WASF3: variants seen among roughly 807,000 people sequenced by gnomAD.
WASF3 encodes the protein actin-binding protein WASF3.
A neutral mutation model predicts 46.6 loss-of-function variants in WASF3; 11 were observed. The ratio of observed to expected loss-of-function variants is 0.24; its 90% CI spans 0.15 to 0.39. The LOEUF (loss-of-function observed/expected upper bound fraction) is 0.39, where lower values mean the gene tolerates loss of function less well. Among genes scored for constraint, WASF3 ranks in the 10% least tolerant of loss-of-function variants. The pLI, the probability that WASF3 is intolerant of heterozygous loss-of-function variation, is 1.00. For synonymous variants in WASF3, 242 were observed against 259.7 expected (o/e 0.93, Z 0.65); for missense variants, 576 against 669.8 (o/e 0.86, Z 1.55).
At position 26,612,966 on chromosome 13, in the gene WASF3, G is replaced by C. The variant is rs1881023323; in HGVS notation, c.-103G>C. The C allele has an allele frequency of 6.6e-6, 1 of 151,920 alleles. No homozygotes were observed. 9.4% of individuals were successfully genotyped at this position (151,920 alleles called of 1,614,324 possible). ...TTTTTTTCTTTTCTTTGTAGTTTTAGTTTTGATTGCTGTTAACTACTACTG... is the reference window on the plus strand; with the variant it reads ...TTTTTTTCTTTTCTTTGTAGTTTTACTTTTGATTGCTGTTAACTACTACTG... On this transcript the variant is annotated 5_prime_UTR_variant, in exon 2 of 10. An upstream open reading frame in the 5' UTR loses its in-frame stop. Transcript: ENST00000335327.
chr13:26,578,307 A>G (rs1421953578), intron 1 of WASF3, among the ~76,000 whole-genome samples: 3 of 152,142 alleles, frequency 2.0e-5, no homozygotes, highest in Non-Finnish European at 4.4e-5. Flanking sequence ...TTTTTCTTCT[A>G]AGTCTAGGAG....
Position 26,661,595 on chromosome 13 carries a change from C to T in WASF3, c.134-3433C>T, listed in dbSNP as rs565741448. 5.3e-5 allele frequency among the ~76,000 whole-genome samples: 8 copies of T among 152,300 alleles called. No individual in the cohort carries two copies. The East Asian group carries it at 1.5e-3, about 29-fold the overall frequency. On this transcript the variant is annotated intron_variant, in intron 3 of 9. Coordinates refer to ENST00000335327, the MANE Select transcript of WASF3 (RefSeq NM_006646.6). ...TGTGAACATAGGTATGCAAATGTCT[C>T]TTCACATCCTTGCTTGCACTTCTTT...
chr13:26,608,980 GA>G (rs1339326012), intron 1 of WASF3, among the ~76,000 whole-genome samples: 2 of 152,130 alleles, frequency 1.3e-5, no homozygotes, highest in Non-Finnish European at 2.9e-5. Context: ...GGTAAGGCTG[GA>G]AAAATAAGTG....
chr13:26,559,175 T>G (rs1313816635), intron 1 of WASF3, among the ~76,000 whole-genome samples: 1 of 152,206 alleles, frequency 6.6e-6, no homozygotes, highest in Non-Finnish European at 1.5e-5. Context: ...TCTCCCAGGG[T>G]TCTAATGACT....
intron 1 of WASF3, among the ~76,000 whole-genome samples, chr13:26,570,160 C>A (rs914580450): frequency 7.9e-5 from 12 of 152,040 alleles, no homozygotes; most frequent in African/African-American, 2.9e-4. Flanking sequence ...TCGTGGCAGG[C>A]GCCTGTAATT....
chr13:26,539,673 A>G, the WASF3 span, among the ~76,000 whole-genome samples: 1 of 152,056 alleles, frequency 6.6e-6, no homozygotes, highest in Admixed American at 6.6e-5. Flanking sequence ...TCTGTCCTTT[A>G]CGCTGCTTCT....
chr13:26,681,438 T>C, intron 8 of WASF3, 118 bp downstream of exon 8: 1 of 1,213,696 alleles, frequency 8.2e-7, no homozygotes. Flanking sequence ...CAAGGATGAC[T>C]GGATGTAGAT....
At chr13:26,622,853 A>C (rs1881349623) in intron 2 of WASF3, 1 of 152,226 alleles carries the variant, frequency 6.6e-6, no homozygotes. Context: ...ACAAAAGAAG[A>C]AGCTGATATG....
At chr13:26,586,661 G>T (rs1235306310) in intron 1 of WASF3, among the ~76,000 whole-genome samples, 1 of 152,056 alleles carries the variant, frequency 6.6e-6, no homozygotes, top group Non-Finnish European at 1.5e-5. Flanking sequence ...AATTGTCAGG[G>T]ATACTCAAGA....
In WASF3 at chr13:26,592,949, G is replaced by A. The variant is rs77048502; in HGVS notation, c.-108-20012G>A. 2.2e-3 allele frequency among the ~76,000 whole-genome samples: 328 copies of A among 152,152 alleles called. 6 individuals are homozygous for A. The East Asian group carries it at 0.036, about 17-fold the overall frequency. On this transcript the variant is annotated intron_variant, in intron 1 of 9. Transcript: ENST00000335327. ...ATTTACAGTGATTTTCTTCACAAATGTTTTTGCACAAATGTTTAAGCAGTC... is the reference window on the plus strand; with the variant it reads ...ATTTACAGTGATTTTCTTCACAAATATTTTTGCACAAATGTTTAAGCAGTC...
At chr13:26,623,128 G>A (rs1881358834) in intron 2 of WASF3, among the ~76,000 whole-genome samples, 2 of 152,164 alleles carry the variant, frequency 1.3e-5, no homozygotes. Context: ...TTAAGGTTGA[G>A]TATGGGCTAA....
At chr13:26,592,733 A>G (rs1246136016) in intron 1 of WASF3, among the ~76,000 whole-genome samples, 1 of 152,172 alleles carries the variant, frequency 6.6e-6, no homozygotes, top group African/African-American at 2.4e-5. Flanking sequence ...GTATAATACA[A>G]TGTCTTCTCA....
At chr13:26,629,949 C>T (rs1477327552) in intron 2 of WASF3, among the ~76,000 whole-genome samples, 1 of 152,064 alleles carries the variant, frequency 6.6e-6, no homozygotes, top group Non-Finnish European at 1.5e-5. Context: ...TGGAGCTTGC[C>T]ACAAACTCCA....
intron 8 of WASF3, 41 bp downstream of exon 8, chr13:26,681,361 G>A: frequency 6.6e-7 from 1 of 1,506,524 alleles, no homozygotes; most frequent in Non-Finnish European, 8.9e-7. Flanking sequence ...TCCTGGCCTT[G>A]CATTTGAATC....
At chr13:26,579,672 T>C (rs693455) in intron 1 of WASF3, among the ~76,000 whole-genome samples, 150,388 of 152,244 alleles carry the variant, frequency 0.99, 74,302 homozygotes, top group East Asian at 1. Context: ...AACAGCCCCC[T>C]GGACCCCCTC....
chr13:26,660,194 G>GTTTTTT lies in WASF3; in HGVS notation c.134-4804_134-4799dup, dbSNP rs71080285. Among the ~76,000 whole-genome samples the GTTTTTT allele has an allele frequency of 3.2e-4, 14 of 43,378 alleles. 1 individual carries two copies. Among genetic ancestry groups the GTTTTTT allele is most frequent in the African/African-American group, 8.9e-4 (12 of 13,452 alleles). The allele number at this position is 43,378 out of a possible 152,430, so 28.5% of individuals were successfully genotyped here. ...GTAATTAGCTTTTGTTTTTTGTTTGGTTTTTTTTTTTTTTTTTTTTTTTTT... is the reference window on the plus strand; with the variant it reads ...GTAATTAGCTTTTGTTTTTTGTTTGGTTTTTTTTTTTTTTTTTTTTTTTTTTTTTTT... On this transcript the variant is annotated intron_variant, in intron 3 of 9. Transcript: ENST00000335327.
the WASF3 span, among the ~76,000 whole-genome samples, chr13:26,543,163 G>A: frequency 2.0e-5 from 3 of 152,112 alleles, no homozygotes; most frequent in Non-Finnish European, 4.4e-5. Context: ...ACGTGGAGGT[G>A]GTGGGAATGT....
chr13:26,680,213 T>A (rs1883184801), intron 7 of WASF3: 1 of 1,545,872 alleles, frequency 6.5e-7, no homozygotes, highest in African/African-American at 1.4e-5. Context: ...TTTGTTGTTT[T>A]GCTTTCTTTG....
chr13:26,581,290 A>G (rs1258903116), intron 1 of WASF3, among the ~76,000 whole-genome samples: 2 of 152,098 alleles, frequency 1.3e-5, no homozygotes, highest in Non-Finnish European at 2.9e-5. Flanking sequence ...TGAGGAAACC[A>G]TATGTGAATG....
Sources: gnomAD v4.1 joint callset for allele counts (sites outside exome capture counted in the v4.1 genomes callset) on GRCh38, gnomAD v4.1.1 for gene constraint, MANE v1.5 for transcripts, NCBI Gene and HGNC (gene_info 2026-07-23, HGNC 2026-07-21) for gene names.